Variants in TG observed in about 807,000 individuals in gnomAD.
TG encodes thyroglobulin.
Under a neutral mutation model 324.7 loss-of-function variants are expected in TG, and 270 were observed. The ratio of observed to expected loss-of-function variants is 0.83; its 90% CI spans 0.75 to 0.92. TG has a LOEUF of 0.92. Ranked by LOEUF, TG falls within the 40% of genes least tolerant of loss-of-function variation. The pLI is 0.00. For missense variants in TG, 3,591 were observed against 3,456.4 expected (o/e 1.04, Z -0.98); for synonymous variants, 1,401 against 1,327.0 (o/e 1.06, Z -1.21).
intron 27 of TG, 42 bp from the exon 28 acceptor site, chr8:132,960,966 C>A (rs912650786): frequency 8.2e-6 from 13 of 1,594,300 alleles, no homozygotes; most frequent in African/African-American, 2.7e-5. Flanking sequence ...TACCCAGTGA[C>A]AGCACACTCA....
chr8:132,971,826 A>G lies in TG; in HGVS notation c.6008A>G (p.Asp2003Gly), dbSNP rs1467472504. The part of the protein sequence containing the change: ...FFECERRCDA[D>G]PCCTGFGFLN... ...GAATGTGAACGACGGTGCGATGCGG[A>G]CCCATGCTGCACTGGCTTTGGATTT... is the stretch of plus-strand genomic sequence containing the variant. The change falls in exon 33 of 48, where the codon GAC becomes GGC. Residue 2003 changes from aspartate to glycine, a missense_variant. Asp to Gly is a moderately conservative substitution (Grantham distance 94, BLOSUM62 -1). Transcript: ENST00000220616. 6.2e-7 allele frequency: 1 copy of G among 1,613,706 alleles called. No homozygotes were observed. Among genetic ancestry groups the G allele is most frequent in the Non-Finnish European group, 8.5e-7 (1 of 1,179,788 alleles).
chr8:132,971,971 A>G (rs1829587055), intron 33 of TG, 98 bp downstream of exon 33: 5 of 888,034 alleles, frequency 5.6e-6, no homozygotes, highest in Non-Finnish European at 9.4e-6. Flanking sequence ...AGCATCTCCT[A>G]TCCTCGTTCA....
chr8:132,878,683 G>A (rs543871415), intron 5 of TG, among the ~76,000 whole-genome samples: 1 of 151,772 alleles, frequency 6.6e-6, no homozygotes, highest in South Asian at 2.1e-4. Context: ...GTTGGGTCCT[G>A]GCATTCTCTA....
chr8:132,887,243 G>A lies in TG; in HGVS notation c.1871G>A (p.Gly624Glu). 1.9e-6 allele frequency: 3 copies of A among 1,605,536 alleles called. No homozygotes were observed. Among genetic ancestry groups the A allele is most frequent in the Non-Finnish European group, 2.6e-6 (3 of 1,174,912 alleles). The change falls in exon 9 of 48, where the codon GGA becomes GAA. Residue 624 changes from glycine to glutamate, a missense_variant. Coordinates refer to ENST00000220616, the MANE Select transcript of TG (RefSeq NM_003235.5). Reference sequence around the variant, plus strand: ...TTTGTCCCATCATGCACGACAGAAGGAAGCTATGAGGATGTCCAATGCTTT... The same window carrying A: ...TTTGTCCCATCATGCACGACAGAAGAAAGCTATGAGGATGTCCAATGCTTT... ...RLFVPSCTTE[G>E]SYEDVQCFSG... is the part of the protein sequence containing the mutation.
intron 35 of TG, among the ~76,000 whole-genome samples, chr8:132,986,669 T>C (rs1234055437): frequency 2.0e-5 from 3 of 152,162 alleles, no homozygotes; most frequent in Non-Finnish European, 4.4e-5. Flanking sequence ...ATTATAAAAA[T>C]AGCAAAGTGA....
rs748273170 is a variant in TG at position 132,961,117 on chromosome 8, C to T, written c.5467+44C>T. 1.0e-5 allele frequency: 16 copies of T among 1,590,278 alleles called. No homozygotes were observed. The South Asian group carries it at 1.3e-4, about 13-fold the overall frequency. On this transcript the variant is annotated intron_variant, in intron 28 of 47. Coordinates refer to ENST00000220616, the MANE Select transcript of TG (RefSeq NM_003235.5). Reference sequence around the variant, plus strand: ...GAGGGGGTTAGCAGGACGCTGATTACATGAGATTGTCTGGCACCACCTCTC... The same window carrying T: ...GAGGGGGTTAGCAGGACGCTGATTATATGAGATTGTCTGGCACCACCTCTC...
chr8:133,037,205 C>G (rs1444691018), intron 41 of TG: 1 of 152,210 alleles, frequency 6.6e-6, no homozygotes, highest in Non-Finnish European at 1.5e-5. Flanking sequence ...GTCACAGATT[C>G]ATCTGCAGCC....
At chr8:133,063,756 G>A (rs1217343400) in intron 41 of TG, 3 of 152,220 alleles carry the variant, frequency 2.0e-5, no homozygotes, top group African/African-American at 7.2e-5. Flanking sequence ...AAACCATCAG[G>A]TCTCAACAGC....
chr8:133,109,172 C>G (rs1850067474), intron 43 of TG, among the ~76,000 whole-genome samples: 1 of 152,128 alleles, frequency 6.6e-6, no homozygotes, highest in Non-Finnish European at 1.5e-5. Context: ...GAGCCCTGAG[C>G]AAAACCTGGA....
At chr8:132,980,135 A>G (rs1339580586) in intron 34 of TG, among the ~76,000 whole-genome samples, 1 of 152,096 alleles carries the variant, frequency 6.6e-6, no homozygotes, top group Non-Finnish European at 1.5e-5. Flanking sequence ...GGATCTCTAG[A>G]GTGACAAAAG....
chr8:132,935,731 T>C (rs1823488098), intron 24 of TG, 25 bp from the exon 25 acceptor site: 2 of 1,576,702 alleles, frequency 1.3e-6, no homozygotes, highest in African/African-American at 2.7e-5. Context: ...TGCAGGATAA[T>C]AATGCAGCAT....
intron 40 of TG, among the ~76,000 whole-genome samples, chr8:133,023,116 C>T (rs892257823): frequency 3.9e-5 from 6 of 152,210 alleles, no homozygotes; most frequent in Middle Eastern, 3.4e-3. Context: ...GATAGGTGGT[C>T]GGAATGACCA....
Position 132,882,788 on chromosome 8 carries a change from T to G in TG, c.890-26T>G, listed in dbSNP as rs1469778618. Reference sequence around the variant, plus strand: ...GACACCAAGCATTGTTGACACTGTCTTCTTTACTGTGTGGATTTCCTCTAG... The same window carrying G: ...GACACCAAGCATTGTTGACACTGTCGTCTTTACTGTGTGGATTTCCTCTAG... On this transcript the variant is annotated intron_variant, in intron 7 of 47. Coordinates refer to ENST00000220616, the MANE Select transcript of TG (RefSeq NM_003235.5). The G allele has an allele frequency of 3.1e-6, 5 of 1,614,010 alleles. No individual in the cohort carries two copies. The South Asian group carries it at 5.5e-5, about 18-fold the overall frequency.
At chr8:133,094,864 G>A in intron 41 of TG, 180 bp from the exon 42 acceptor site, 2 of 777,058 alleles carry the variant, frequency 2.6e-6, no homozygotes, top group Non-Finnish European at 4.4e-6. Context: ...GTATCACACT[G>A]CATGCTGATA....
chr8:132,964,563 A>ATGTTTGAG (rs1828262633), intron 29 of TG: 3 of 280,340 alleles, frequency 1.1e-5, no homozygotes. Flanking sequence ...ATCAGTCTGA[A>ATGTTTGAG]TGTTTGAGAC....
intron 40 of TG, among the ~76,000 whole-genome samples, chr8:133,023,418 AG>A (rs1414898313): frequency 3.0e-4 from 45 of 151,128 alleles, no homozygotes. Flanking sequence ...TCCAAATCTC[AG>A]TTTTCTTGGT....
intron 35 of TG, among the ~76,000 whole-genome samples, chr8:132,987,502 G>A (rs904764094): frequency 6.6e-6 from 1 of 152,148 alleles, no homozygotes; most frequent in Non-Finnish European, 1.5e-5. Flanking sequence ...ATATTCACAA[G>A]AAATTTAGGT....
intron 29 of TG, chr8:132,964,941 T>C (rs941003663): frequency 1.1e-5 from 8 of 702,130 alleles, no homozygotes; most frequent in Middle Eastern, 4.6e-4. Context: ...CAGGTATACC[T>C]GAGAAAAGGT....
In TG at chr8:133,029,826, G is replaced by A. The variant is rs755059149; in HGVS notation, c.7042G>A (p.Gly2348Arg). 50 of 1,614,004 alleles carry A rather than the reference G, an allele frequency of 3.1e-5. No individual in the cohort carries two copies. Among genetic ancestry groups the A allele is most frequent in the South Asian group, 2.5e-4 (23 of 91,092 alleles). ...GVFGFLSSGS[G>R]EVSGNWGLLD... is the part of the protein sequence containing the mutation. ...GGCTTTCCTCTTTTCTGAAGGGTCCGGAGAGGTGAGTGGCAACTGGGGGCT... is the reference window on the plus strand; with the variant it reads ...GGCTTTCCTCTTTTCTGAAGGGTCCAGAGAGGTGAGTGGCAACTGGGGGCT... Residue 2348 changes from glycine to arginine, a missense_variant, in exon 41 of 48, where the codon GGA becomes AGA. By Grantham distance (125) the Gly-to-Arg change is moderately radical. Transcript: ENST00000220616.
Sources: gnomAD v4.1 joint callset for allele counts (sites outside exome capture counted in the v4.1 genomes callset) on GRCh38, gnomAD v4.1.1 for gene constraint, MANE v1.5 for transcripts, NCBI Gene and HGNC (gene_info 2026-07-23, HGNC 2026-07-21) for gene names.